PDE4D: variants seen among roughly 807,000 people sequenced by gnomAD.
The protein encoded by PDE4D is phosphodiesterase 4D, also known as 3',5'-cyclic-AMP phosphodiesterase 4D.
Under a neutral mutation model 87.4 loss-of-function variants are expected in PDE4D, and 24 were observed. The observed-to-expected ratio is 0.27, with a 90% CI of 0.20 to 0.39. The LOEUF (loss-of-function observed/expected upper bound fraction) is 0.39. PDE4D is among the 10% of genes least tolerant of loss of function. The probability of loss-of-function intolerance (pLI) is 1.00; values close to 1 mark genes in which losing one functional copy is unlikely to be tolerated. For synonymous variants in PDE4D, 384 were observed against 383.2 expected (o/e 1.00, Z -0.02); for missense variants, 714 against 1,041.0 (o/e 0.69, Z 4.32).
At chr5:59,287,139 T>C (rs771920662) in intron 1 of PDE4D, among the ~76,000 whole-genome samples, 21 of 152,132 alleles carry the variant, frequency 1.4e-4, no homozygotes, top group Non-Finnish European at 2.6e-4. Flanking sequence ...GGCTTGGCTT[T>C]AGATGGTATT....
chr5:60,040,513 T>C (rs1275990399), intron 2 of PDE4D, among the ~76,000 whole-genome samples: 2 of 152,202 alleles, frequency 1.3e-5, no homozygotes, highest in Non-Finnish European at 1.5e-5. Context: ...TTTCACCAAA[T>C]GAATTAATTA....
chr5:60,378,497 C>T (rs1209326134), intron 1 of PDE4D, among the ~76,000 whole-genome samples: 1 of 152,020 alleles, frequency 6.6e-6, no homozygotes, highest in Non-Finnish European at 1.5e-5. Flanking sequence ...TGGCTTATTC[C>T]CTCAGTAATC....
At chr5:60,469,825 CA>C (rs1263562298) in intron 1 of PDE4D, among the ~76,000 whole-genome samples, 3 of 152,098 alleles carry the variant, frequency 2.0e-5, no homozygotes, top group Non-Finnish European at 2.9e-5. Context: ...TGGCTTTTCC[CA>C]GAAATCTCTC....
chr5:59,586,927 C>T (rs899391499), intron 1 of PDE4D: 104 of 985,238 alleles, frequency 1.1e-4, no homozygotes, highest in Non-Finnish European at 1.2e-4. Flanking sequence ...GCAGTGCTAC[C>T]GTCTGAGACG....
chr5:59,625,949 G>A (rs530496134), intron 1 of PDE4D, among the ~76,000 whole-genome samples: 2 of 152,128 alleles, frequency 1.3e-5, no homozygotes, highest in East Asian at 1.9e-4. Flanking sequence ...TTGGCCAGGC[G>A]TGGTGGCGGG....
intron 1 of PDE4D, among the ~76,000 whole-genome samples, chr5:59,327,183 G>A (rs1775851935): frequency 6.9e-6 from 1 of 145,836 alleles, no homozygotes; most frequent in Non-Finnish European, 1.5e-5. Flanking sequence ...CAGACTGGCT[G>A]TGAATGAAAT....
At chr5:59,766,296 C>T (rs1762783852) in intron 1 of PDE4D, among the ~76,000 whole-genome samples, 2 of 152,144 alleles carry the variant, frequency 1.3e-5, no homozygotes, top group Admixed American at 6.5e-5. Context: ...AAAATCGATA[C>T]CATGATTTTT....
chr5:59,915,028 G>C (rs930970840), intron 3 of PDE4D, among the ~76,000 whole-genome samples: 2 of 151,964 alleles, frequency 1.3e-5, no homozygotes, highest in East Asian at 1.9e-4. Context: ...AGGTTTGAAG[G>C]TTGTAAATCC....
chr5:59,193,839 G>C, intron 2 of PDE4D: 2 of 959,770 alleles, frequency 2.1e-6, no homozygotes, highest in Non-Finnish European at 2.5e-6. Context: ...AGTGGGGCCT[G>C]AGTTTTACTT....
intron 5 of PDE4D, among the ~76,000 whole-genome samples, chr5:59,122,244 C>T (rs778564667): frequency 3.3e-5 from 5 of 150,680 alleles, no homozygotes; most frequent in Admixed American, 6.6e-5. Context: ...AGAATAAAAT[C>T]GTCATTTACA....
intron 1 of PDE4D, among the ~76,000 whole-genome samples, chr5:59,570,342 T>C (rs1231444326): frequency 1.3e-5 from 2 of 152,214 alleles, no homozygotes; most frequent in African/African-American, 2.4e-5. Context: ...GAAATATTAT[T>C]GCTTCTCTAA....
chr5:59,344,550 C>T (rs1376439196), intron 1 of PDE4D, among the ~76,000 whole-genome samples: 2 of 152,026 alleles, frequency 1.3e-5, no homozygotes, highest in Non-Finnish European at 2.9e-5. Context: ...AGGCAGGCAC[C>T]ATCACACCCT....
chr5:59,449,034 AT>A (rs1408051638), intron 1 of PDE4D, among the ~76,000 whole-genome samples: 1 of 152,176 alleles, frequency 6.6e-6, no homozygotes, highest in African/African-American at 2.4e-5. Context: ...CCAAATCCAG[AT>A]TGAAAGGCCC....
At chr5:60,272,592 G>T (rs1195433659) in intron 1 of PDE4D, among the ~76,000 whole-genome samples, 1 of 152,100 alleles carries the variant, frequency 6.6e-6, no homozygotes, top group Non-Finnish European at 1.5e-5. Context: ...TGCTGATTAG[G>T]TATAGACTGG....
At chr5:60,037,162 G>T (rs991554391) in intron 2 of PDE4D, among the ~76,000 whole-genome samples, 2 of 152,168 alleles carry the variant, frequency 1.3e-5, no homozygotes, top group African/African-American at 4.8e-5. Flanking sequence ...TATCTGGTGG[G>T]TAGGGACAGG....
At chr5:59,275,956 G>T (rs1228643432) in intron 1 of PDE4D, 1 of 984,984 alleles carries the variant, frequency 1.0e-6, no homozygotes, top group Non-Finnish European at 1.2e-6. Flanking sequence ...ACTTTGGCTG[G>T]GTGGGCTGAT....
At chr5:59,686,331 T>C (rs1458972657) in intron 1 of PDE4D, among the ~76,000 whole-genome samples, 1 of 152,136 alleles carries the variant, frequency 6.6e-6, no homozygotes, top group African/African-American at 2.4e-5. Flanking sequence ...TTATTATACC[T>C]ATTGTAAAGA....
chr5:59,944,800 T>G (rs538479130), intron 3 of PDE4D, among the ~76,000 whole-genome samples: 74 of 152,126 alleles, frequency 4.9e-4, no homozygotes, highest in Non-Finnish European at 9.6e-4. Flanking sequence ...CCTTTCCCCT[T>G]TCTACTATCT....
intron 3 of PDE4D, among the ~76,000 whole-genome samples, chr5:59,977,954 G>C (rs894871672): frequency 6.6e-6 from 1 of 152,146 alleles, no homozygotes; most frequent in African/African-American, 2.4e-5. Context: ...CAGTGTATCT[G>C]TTTACAGCAT....
Sources: gnomAD v4.1 joint callset for allele counts (sites outside exome capture counted in the v4.1 genomes callset) on GRCh38, gnomAD v4.1.1 for gene constraint, MANE v1.5 for transcripts, NCBI Gene and HGNC (gene_info 2026-07-23, HGNC 2026-07-21) for gene names.